The following KRT25 variants were observed in gnomAD, a reference collection of about 807,000 sequenced individuals.
The protein encoded by KRT25 is keratin, type I cytoskeletal 25.
KRT25 carries 37 observed loss-of-function variants against 47.6 expected under a neutral mutation model. The observed-to-expected ratio is 0.78, with a 90% CI of 0.60 to 1.02. KRT25 has a LOEUF of 1.02. Ranked by LOEUF, KRT25 falls within the 50% of genes least tolerant of loss-of-function variation. KRT25 has a pLI of 0.00. For synonymous variants in KRT25, 203 were observed against 210.2 expected (o/e 0.97, Z 0.30); for missense variants, 542 against 550.3 (o/e 0.98, Z 0.15).
In KRT25 at chr17:40,749,246, C is replaced by T; in HGVS notation, c.1243+12G>A. 1 of 1,599,396 alleles carries T rather than the reference C, an allele frequency of 6.3e-7. No individual in the cohort carries two copies. The highest frequency in any genetic ancestry group is 8.6e-7 in the Non-Finnish European group (1 of 1,166,814). The stretch of plus-strand genomic sequence containing the variant: ...AAAATTAGCATTGCACAACAGATTT[C>T]ATTTTAATTACCTTTGACTTGACTT... On this transcript the variant is annotated intron_variant, in intron 7 of 7. Transcript: ENST00000312150.
chr17:40,751,040 C>T lies in KRT25; in HGVS notation c.871G>A (p.Ala291Thr). 6.2e-7 allele frequency: 1 copy of T among 1,614,152 alleles called. No individual in the cohort carries two copies. The highest frequency in any genetic ancestry group is 8.5e-7 in the Non-Finnish European group (1 of 1,180,040). Residue 291 changes from alanine to threonine, a missense_variant, in exon 5 of 8, where the codon GCC (alanine) becomes ACC (threonine). Ala to Thr is a moderately conservative substitution (Grantham distance 58). Coordinates refer to ENST00000312150, the MANE Select transcript of KRT25 (RefSeq NM_181534.4). ...LQQQISEDVG[A>T]TTSARNELTE... ...AGCTCATTCCGGGCTGAGGTTGTGGCTCCGACATCCTCAGAGATCTGCTGC... is the reference window on the plus strand; with the variant it reads ...AGCTCATTCCGGGCTGAGGTTGTGGTTCCGACATCCTCAGAGATCTGCTGC...
chr17:40,755,081 C>G lies in KRT25; in HGVS notation c.191G>C (p.Cys64Ser), dbSNP rs1597794288. 2.5e-6 allele frequency: 4 copies of G among 1,614,144 alleles called. No individual in the cohort carries two copies. The highest frequency in any genetic ancestry group is 2.7e-5 in the African/African-American group (2 of 75,030). ...CCGCTCATTCACAGTGAAGCCAGCA[C>G]AGGGATTACCTCCCCCTGTGTTTCC... is the stretch of plus-strand genomic sequence containing the variant. ...SGGNTGGGNP[C>S]AGFTVNERGL... The change falls in exon 1 of 8, where the codon TGT (cysteine) becomes TCT (serine). Residue 64 changes from cysteine (C) to serine (S), a missense_variant. Transcript: ENST00000312150.
At chr17:40,750,843 A>C in intron 5 of KRT25, 111 bp downstream of exon 5, 1 of 1,380,602 alleles carries the variant, frequency 7.2e-7, no homozygotes, top group East Asian at 2.3e-5. Context: ...TTATGTTTTG[A>C]GACAATTATA....
chr17:40,749,427 C>G (rs1049310409), intron 6 of KRT25, 102 bp from the exon 7 acceptor site: 7 of 853,940 alleles, frequency 8.2e-6, no homozygotes, highest in Non-Finnish European at 1.4e-5. Context: ...AACTGTGTAA[C>G]CCAGTATTTG....
Position 40,748,200 on chromosome 17 carries a change from C to A in KRT25, c.*77G>T, listed in dbSNP as rs2038013504. ...AGGTTAGACATTTTTCTTAGACATGCACATTTTTCTGGACAGATACATAAT... is the reference window on the plus strand; with the variant it reads ...AGGTTAGACATTTTTCTTAGACATGAACATTTTTCTGGACAGATACATAAT... On this transcript the variant is annotated 3_prime_UTR_variant, in exon 8 of 8. Transcript: ENST00000312150. 3.3e-6 allele frequency: 3 copies of A among 897,368 alleles called. No homozygotes were observed. Among genetic ancestry groups the A allele is most frequent in the Non-Finnish European group, 5.1e-6 (3 of 588,416 alleles). 55.6% of individuals were successfully genotyped at this position (897,368 alleles called of 1,614,324 possible).
chr17:40,754,437 G>A lies in KRT25; in HGVS notation c.461C>T (p.Ala154Val). 6.2e-7 allele frequency: 1 copy of A among 1,614,034 alleles called. No homozygotes were observed. The highest frequency in any genetic ancestry group is 8.5e-7 in the Non-Finnish European group (1 of 1,179,936). The change falls in exon 2 of 8, where the codon GCT becomes GTT. Residue 154 changes from alanine (A) to valine (V), a missense_variant. Transcript: ENST00000312150. ...IIASTTSNAN[A>V]VLQIDNARLT... ...CCTGGCATTATCGATCTGCAGAACA[G>A]CATTAGCATTGCTGGTGGTGGATGC...
Position 40,755,004 on chromosome 17 carries a change from G to C in KRT25, c.268C>G (p.Leu90Val). 6.2e-7 allele frequency: 1 copy of C among 1,614,200 alleles called. No individual in the cohort carries two copies. Among genetic ancestry groups the C allele is most frequent in the Non-Finnish European group, 8.5e-7 (1 of 1,180,042 alleles). Residue 90 changes from leucine (L) to valine (V), a missense_variant, in exon 1 of 8, where the codon CTG becomes GTG. Coordinates refer to ENST00000312150, the MANE Select transcript of KRT25 (RefSeq NM_181534.4). ...TGCACACTGTCCAGGTAGGATGCCAGGCGGTCATTGAGGTTCTGCATGGTC... is the reference window on the plus strand; with the variant it reads ...TGCACACTGTCCAGGTAGGATGCCACGCGGTCATTGAGGTTCTGCATGGTC... ...KVTMQNLNDR[L>V]ASYLDSVHAL...
chr17:40,750,792 C>T (rs1341915805), intron 5 of KRT25, among the ~76,000 whole-genome samples, 162 bp downstream of exon 5: 1 of 152,164 alleles, frequency 6.6e-6, no homozygotes, highest in African/African-American at 2.4e-5. Flanking sequence ...TAAAGACATT[C>T]GTGTAGTTTT....
At position 40,753,996 on chromosome 17, in the gene KRT25, A is replaced by G. The variant is rs775320636; in HGVS notation, c.533T>C (p.Leu178Pro). ...FRLKYENELA[L>P]HQSVEADVNG... ...GACATCAGCCTCTACACTCTGGTGA[A>G]GAGCCAGCTCATTTTCATACCTTAA... The change falls in exon 3 of 8, where the codon CTT becomes CCT. Residue 178 changes from leucine to proline, a missense_variant. Leu to Pro is a moderately conservative substitution (Grantham distance 98, BLOSUM62 -3). Transcript: ENST00000312150. 7 of 1,614,056 alleles carry G rather than the reference A, an allele frequency of 4.3e-6. No homozygotes were observed. The African/African-American group carries it at 9.3e-5, about 22-fold the overall frequency.
In KRT25 at chr17:40,753,973, C is replaced by T. The variant is rs531531024; in HGVS notation, c.556G>A (p.Val186Ile). 40 of 1,614,086 alleles carry T rather than the reference C, an allele frequency of 2.5e-5. No individual in the cohort carries two copies. In the East Asian group the frequency reaches 7.6e-4, roughly 31 times the overall value. ...TCCAAAACTCTTCGTAACCCATTGACATCAGCCTCTACACTCTGGTGAAGA... is the reference window on the plus strand; with the variant it reads ...TCCAAAACTCTTCGTAACCCATTGATATCAGCCTCTACACTCTGGTGAAGA... ...LALHQSVEAD[V>I]NGLRRVLDEI... Residue 186 changes from valine (V) to isoleucine (I), a missense_variant, in exon 3 of 8, where the codon GTC becomes ATC. Val to Ile is a conservative substitution (Grantham distance 29, BLOSUM62 3). Coordinates refer to ENST00000312150, the MANE Select transcript of KRT25 (RefSeq NM_181534.4).
At chr17:40,749,159 G>A in intron 7 of KRT25, 99 bp downstream of exon 7, 1 of 861,618 alleles carries the variant, frequency 1.2e-6, no homozygotes, top group Middle Eastern at 2.2e-4. Context: ...CGTGACACGT[G>A]TTTACCTATG....
In KRT25 at chr17:40,755,147, C is replaced by G. The variant is rs752681504; in HGVS notation, c.125G>C (p.Gly42Ala). 2 of 1,614,116 alleles carry G rather than the reference C, an allele frequency of 1.2e-6. No homozygotes were observed. Among genetic ancestry groups the G allele is most frequent in the African/African-American group, 2.7e-5 (2 of 74,938 alleles). Residue 42 changes from glycine (G) to alanine (A), a missense_variant, in exon 1 of 8, where the codon GGA becomes GCA. Gly to Ala is a moderately conservative substitution (Grantham distance 60, BLOSUM62 0). Transcript: ENST00000312150. ...TCCGAAGGCACTAGAGAAGCCACTT[C>G]CAATCCCTGAAATGCCACAAGAATT... ...TGNSCGISGI[G>A]SGFSSAFGGS...
intron 3 of KRT25, among the ~76,000 whole-genome samples, chr17:40,751,608 A>G (rs1175591553): frequency 6.6e-6 from 1 of 152,226 alleles, no homozygotes; most frequent in Non-Finnish European, 1.5e-5. Flanking sequence ...ACTTAAACTC[A>G]TCAGTTTCAG....
In KRT25 at chr17:40,755,217, C is replaced by T. The variant is rs766179985; in HGVS notation, c.55G>A (p.Gly19Arg). 5.5e-5 allele frequency: 89 copies of T among 1,614,142 alleles called. 1 individual carries two copies. In the Middle Eastern group the frequency reaches 2.5e-3, roughly 45 times the overall value. The change falls in exon 1 of 8, where the codon GGA (glycine) becomes AGA (arginine). Residue 19 changes from glycine to arginine, a missense_variant. Transcript: ENST00000312150. ...CCCCCACCATAGAGTCTGAGTGATC[C>T]AGTGGTGGGACGAGGACAGGACCTC... ...SRRSCPRPTTGSLRLYGGGTS... is the reference protein window; with the variant it reads ...SRRSCPRPTTRSLRLYGGGTS...
At position 40,748,192 on chromosome 17, in the gene KRT25, T is replaced by G; in HGVS notation, c.*85A>C. ...AAGACAACAGGTTAGACATTTTTCT[T>G]AGACATGCACATTTTTCTGGACAGA... On this transcript the variant is annotated 3_prime_UTR_variant, in exon 8 of 8. Transcript: ENST00000312150. The G allele has an allele frequency of 1.2e-6, 1 of 818,740 alleles. No homozygotes were observed. Among genetic ancestry groups the G allele is most frequent in the Non-Finnish European group, 1.9e-6 (1 of 521,976 alleles). 50.7% of individuals were successfully genotyped at this position (818,740 alleles called of 1,614,324 possible). A position where few individuals can be genotyped will look rare whatever the true frequency, so the allele number is the denominator to read the frequency against.
At chr17:40,748,597 T>C (rs2038017703) in intron 7 of KRT25, among the ~76,000 whole-genome samples, 1 of 152,210 alleles carries the variant, frequency 6.6e-6, no homozygotes, top group African/African-American at 2.4e-5. Context: ...ATCACTAATA[T>C]TAGACATCTA....
At position 40,755,163 on chromosome 17, in the gene KRT25, C is replaced by T. The variant is rs781598391; in HGVS notation, c.109G>A (p.Gly37Ser). The T allele has an allele frequency of 6.2e-7, 1 of 1,614,226 alleles. No homozygotes were observed. Among genetic ancestry groups the T allele is most frequent in the Admixed American group, 1.7e-5 (1 of 60,032 alleles). The change falls in exon 1 of 8, where the codon GGC (glycine) becomes AGC (serine). Residue 37 changes from glycine (G) to serine (S), a missense_variant. By Grantham distance (56) the Gly-to-Ser change is moderately conservative. Transcript: ENST00000312150. ...AAGCCACTTCCAATCCCTGAAATGC[C>T]ACAAGAATTTCCAGTACCAAAGCTG... ...GTSFGTGNSCGISGIGSGFSS... is the reference protein window; with the variant it reads ...GTSFGTGNSCSISGIGSGFSS...
At position 40,751,000 on chromosome 17, in the gene KRT25, C is replaced by T. The variant is rs1333733353; in HGVS notation, c.911G>A (p.Arg304His). ...SARNELTEMK[R>H]TLQTLEIELQ... ...TTCAATTTCCAGGGTTTGAAGAGTG[C>T]GCTTCATTTCAGTCAGCTCATTCCG... Residue 304 changes from arginine to histidine, a missense_variant, in exon 5 of 8, where the codon CGC becomes CAC. By Grantham distance (29) the Arg-to-His change is conservative. Coordinates refer to ENST00000312150, the MANE Select transcript of KRT25 (RefSeq NM_181534.4). The T allele has an allele frequency of 1.2e-6, 2 of 1,614,142 alleles. No individual in the cohort carries two copies. Among genetic ancestry groups the T allele is most frequent in the African/African-American group, 1.3e-5 (1 of 75,010 alleles).
intron 7 of KRT25, among the ~76,000 whole-genome samples, chr17:40,749,048 C>G (rs2038021934): frequency 6.6e-6 from 1 of 151,916 alleles, no homozygotes; most frequent in Non-Finnish European, 1.5e-5. Context: ...CTGGGTTCTA[C>G]TTGAGGGGGA....
Sources: gnomAD v4.1 joint callset for allele counts (sites outside exome capture counted in the v4.1 genomes callset) on GRCh38, gnomAD v4.1.1 for gene constraint, MANE v1.5 for transcripts, NCBI Gene and HGNC (gene_info 2026-07-23, HGNC 2026-07-21) for gene names.